ZNF717: variants seen among roughly 807,000 people sequenced by gnomAD.
The protein encoded by ZNF717 is krueppel-like factor X17.
ZNF717 carries 9 observed loss-of-function variants against 13.8 expected under a neutral mutation model. The ratio of observed to expected loss-of-function variants is 0.65; its 90% CI spans 0.39 to 1.14. The LOEUF (loss-of-function observed/expected upper bound fraction) is 1.14, where lower values mean the gene tolerates loss of function less well. Ranked by LOEUF, ZNF717 falls within the 50% of genes most tolerant of loss-of-function variation. The probability of loss-of-function intolerance (pLI) is 0.01; values close to 1 mark genes in which losing one functional copy is unlikely to be tolerated. For missense variants in ZNF717, 1,040 were observed against 1,080.7 expected (o/e 0.96, Z 0.53); for synonymous variants, 327 against 364.1 (o/e 0.90, Z 1.16).
intron 6 of ZNF717, among the ~76,000 whole-genome samples, chr3:75,701,945 C>T (rs1937705386): frequency 6.6e-6 from 1 of 152,378 alleles, no homozygotes; most frequent in South Asian, 2.1e-4. Context: ...ATCATTTCAC[C>T]CCAGTTAAGG....
rs543852105 is a variant in ZNF717 at position 75,767,390 on chromosome 3, T to C, written c.57+15916A>G. ...AAAAAACAAGTAATAATGAGTTGTTTTAAGCTGCCAAGTTTTGGGGATGGT... is the reference window on the plus strand; with the variant it reads ...AAAAAACAAGTAATAATGAGTTGTTCTAAGCTGCCAAGTTTTGGGGATGGT... On this transcript the variant is annotated intron_variant, in intron 2 of 4. Coordinates refer to ENST00000652011, the MANE Select transcript of ZNF717 (RefSeq NM_001290208.3). Among the ~76,000 whole-genome samples, 599 of 152,374 alleles carry C rather than the reference T, an allele frequency of 3.9e-3. 1 individual carries two copies. Among genetic ancestry groups the C allele is most frequent in the African/African-American group, 0.014 (580 of 41,566 alleles).
At chr3:75,734,586 C>A (rs1241701993), downstream of ZNF717, among the ~76,000 whole-genome samples, 3 of 151,078 alleles carry the variant, frequency 2.0e-5, no homozygotes, top group Non-Finnish European at 4.4e-5. Flanking sequence ...ACACCCACCA[C>A]CACACCCGGC....
Position 75,738,528 on chromosome 3 carries a change from T to C in ZNF717, c.1095A>G (p.Lys365=), listed in dbSNP as rs74620322. 1 of 1,541,648 alleles carries C rather than the reference T, an allele frequency of 6.5e-7. No homozygotes were observed. Among genetic ancestry groups the C allele is most frequent in the Non-Finnish European group, 8.8e-7 (1 of 1,139,684 alleles). ...TLHERTHTGD[K]PYKCIECGKT... ...TTCCACATTCAATACATTTGTAGGGTTTATCCCCTGTGTGAGTTCTCTCAT... is the reference window on the plus strand; with the variant it reads ...TTCCACATTCAATACATTTGTAGGGCTTATCCCCTGTGTGAGTTCTCTCAT... Residue 365 remains lysine (K), a synonymous_variant, in exon 5 of 5, where the codon AAA becomes AAG. Transcript: ENST00000652011.
chr3:75,726,462 A>C (rs1938282719), downstream of ZNF717, among the ~76,000 whole-genome samples: 1 of 152,260 alleles, frequency 6.6e-6, no homozygotes, highest in Non-Finnish European at 1.5e-5. Flanking sequence ...GTCTCTACAA[A>C]AAATAGAAAA....
chr3:75,705,728 T>C (rs1283681726), downstream of ZNF717, among the ~76,000 whole-genome samples: 5 of 152,310 alleles, frequency 3.3e-5, no homozygotes, highest in Admixed American at 1.3e-4. Context: ...TTGCCCTCTC[T>C]GGGAAGTGAC....
chr3:75,729,587 C>T (rs1218473944), downstream of ZNF717, among the ~76,000 whole-genome samples: 4 of 143,536 alleles, frequency 2.8e-5, no homozygotes, highest in African/African-American at 1.0e-4. Context: ...TGCACTCCAG[C>T]CTGGGTGACA....
intron 6 of ZNF717, among the ~76,000 whole-genome samples, chr3:75,702,541 A>ATG (rs1937716845): frequency 4.2e-3 from 409 of 96,546 alleles, no homozygotes; most frequent in African/African-American, 0.015. Context: ...AGAAAGAACG[A>ATG]ATAAGACAGT....
intron 4 of ZNF717, among the ~76,000 whole-genome samples, chr3:75,724,708 A>T (rs1938242059): frequency 6.6e-6 from 1 of 151,974 alleles, no homozygotes; most frequent in South Asian, 2.1e-4. Context: ...CGTGAGTGTA[A>T]ATAATAGAAC....
chr3:75,750,714 G>A (rs113239391), intron 2 of ZNF717, among the ~76,000 whole-genome samples: 6 of 151,632 alleles, frequency 4.0e-5, no homozygotes, highest in African/African-American at 1.5e-4. Context: ...TAGGACTCCA[G>A]AACACTCCTA....
chr3:75,704,794 C>T (rs1575712683), downstream of ZNF717, among the ~76,000 whole-genome samples: 2 of 152,414 alleles, frequency 1.3e-5, no homozygotes, highest in East Asian at 3.9e-4. Context: ...CTTTTACTTT[C>T]CTCAACTATC....
chr3:75,714,290 TACTGCTAGACC>T (rs1190932370), intron 5 of ZNF717, among the ~76,000 whole-genome samples: 2 of 151,956 alleles, frequency 1.3e-5, no homozygotes, highest in African/African-American at 4.8e-5. Context: ...GCACTGACAC[TACTGCTAGACC>T]ACGGTCCGCT....
intron 2 of ZNF717, among the ~76,000 whole-genome samples, chr3:75,745,198 T>C (rs1253631574): frequency 1.3e-5 from 2 of 151,444 alleles, no homozygotes; most frequent in African/African-American, 4.8e-5. Context: ...ACTTTATTAA[T>C]ATTTATTTTT....
At chr3:75,724,376 C>T (rs199733237) in intron 4 of ZNF717, among the ~76,000 whole-genome samples, 1 of 152,026 alleles carries the variant, frequency 6.6e-6, no homozygotes, top group African/African-American at 2.4e-5. Flanking sequence ...GGGCTCATCC[C>T]TACAGTAGAC....
intron 2 of ZNF717, among the ~76,000 whole-genome samples, chr3:75,752,879 T>A (rs1001776029): frequency 2.6e-5 from 4 of 151,224 alleles, no homozygotes; most frequent in Admixed American, 2.6e-4. Flanking sequence ...GTCTGAAAGT[T>A]TGTCCCTCAC....
chr3:75,784,326 G>C (rs1417049939), intron 1 of ZNF717, among the ~76,000 whole-genome samples: 3 of 152,190 alleles, frequency 2.0e-5, no homozygotes, highest in Admixed American at 2.0e-4. Context: ...GGTTTAATTA[G>C]TTCCTTAAAC....
At chr3:75,775,494 T>C (rs1046243000) in intron 2 of ZNF717, among the ~76,000 whole-genome samples, 1 of 152,220 alleles carries the variant, frequency 6.6e-6, no homozygotes, top group Non-Finnish European at 1.5e-5. Context: ...TTCTAATAAC[T>C]TGAATATCAT....
Position 75,738,863 on chromosome 3 carries a change from G to A in ZNF717, c.760C>T (p.Gln254Ter). 6.4e-7 allele frequency: 1 copy of A among 1,551,456 alleles called. No homozygotes were observed. Among genetic ancestry groups the A allele is most frequent in the South Asian group, 1.2e-5 (1 of 84,056 alleles). ...GGCTGTCCTACCTGAGTTATCACTT[G>A]GACAATAACAGCTGAGTTATTACAG... ...KACNNSAVIV[Q>*]VITQVGQPTC... Residue 254 changes from glutamine to a stop codon, truncating the protein, a stop_gained, in exon 5 of 5, where the codon CAA becomes TAA. Coordinates refer to ENST00000652011, the MANE Select transcript of ZNF717 (RefSeq NM_001290208.3). LOFTEE classifies it low-confidence loss of function (END_TRUNC).
intron 2 of ZNF717, among the ~76,000 whole-genome samples, chr3:75,774,119 C>T (rs1162219382): frequency 6.6e-6 from 1 of 151,538 alleles, no homozygotes; most frequent in Non-Finnish European, 1.5e-5. Flanking sequence ...TTGGCTTTCT[C>T]TCTTTAAAGA....
chr3:75,777,629 A>C (rs78754318), intron 2 of ZNF717, among the ~76,000 whole-genome samples: 1 of 152,078 alleles, frequency 6.6e-6, no homozygotes, highest in Non-Finnish European at 1.5e-5. Context: ...ACCGGAACCC[A>C]AAAAAATGGG....
Sources: allele counts gnomAD v4.1 joint callset (sites outside exome capture counted in the v4.1 genomes callset), GRCh38; gene constraint gnomAD v4.1.1; transcripts MANE v1.5; gene names NCBI Gene and HGNC (gene_info 2026-07-23, HGNC 2026-07-21).